PDE1A: variants seen among roughly 807,000 people sequenced by gnomAD.
PDE1A encodes dual specificity calcium/calmodulin-dependent 3',5'-cyclic nucleotide phosphodiesterase 1A.
A neutral mutation model predicts 61.7 loss-of-function variants in PDE1A; 35 were observed. The ratio of observed to expected loss-of-function variants is 0.57; its 90% CI spans 0.43 to 0.75. PDE1A has a LOEUF of 0.75. Among genes scored for constraint, PDE1A ranks in the 30% least tolerant of loss-of-function variants. The pLI is 0.00. For missense variants in PDE1A, 597 were observed against 630.6 expected, an observed-to-expected ratio of 0.95 and a Z score of 0.57; for synonymous variants, 232 against 213.2, an observed-to-expected ratio of 1.09 and a Z score of -0.77.
chr2:182,425,466 C>A (rs907355166), intron 1 of PDE1A, among the ~76,000 whole-genome samples: 1 of 152,054 alleles, frequency 6.6e-6, no homozygotes, highest in African/African-American at 2.4e-5. Flanking sequence ...AATATTAAAT[C>A]CATATATATG....
At chr2:182,686,777 T>G in the PDE1A span, among the ~76,000 whole-genome samples, 2 of 152,218 alleles carry the variant, frequency 1.3e-5, no homozygotes, top group Non-Finnish European at 2.9e-5. Flanking sequence ...TTCCCTTTCA[T>G]AGCCATGCAA....
chr2:182,194,482 G>C (rs543609899), intron 10 of PDE1A, among the ~76,000 whole-genome samples: 3 of 151,910 alleles, frequency 2.0e-5, no homozygotes, highest in Non-Finnish European at 4.4e-5. Context: ...ATGAAAACTC[G>C]AGGAGACATT....
chr2:182,293,963 T>C (rs533335303), intron 1 of PDE1A, among the ~76,000 whole-genome samples: 1 of 152,326 alleles, frequency 6.6e-6, no homozygotes, highest in South Asian at 2.1e-4. Context: ...CAAGCCATGA[T>C]GATGTCTATG....
chr2:182,506,712 C>T (rs761274244), intron 2 of PDE1A, among the ~76,000 whole-genome samples: 2 of 152,176 alleles, frequency 1.3e-5, no homozygotes, highest in African/African-American at 4.8e-5. Context: ...ACATCACTTT[C>T]TTCTTTGTCT....
At chr2:182,553,595 T>C in the PDE1A span, among the ~76,000 whole-genome samples, 1 of 152,166 alleles carries the variant, frequency 6.6e-6, no homozygotes. Flanking sequence ...GTTGGGAGCA[T>C]GTGGAGATAT....
At chr2:182,440,435 T>C (rs1040311975) in intron 2 of PDE1A, among the ~76,000 whole-genome samples, 4 of 152,088 alleles carry the variant, frequency 2.6e-5, no homozygotes, top group Non-Finnish European at 5.9e-5. Context: ...TACTTAGTTA[T>C]AGGCATGCCT....
chr2:182,683,965 C>CA, the PDE1A span, among the ~76,000 whole-genome samples: 36 of 151,246 alleles, frequency 2.4e-4, 1 homozygote, highest in Middle Eastern at 3.4e-3. Flanking sequence ...ACTAAAAATA[C>CA]AAAAAAAATT....
intron 1 of PDE1A, among the ~76,000 whole-genome samples, chr2:182,384,548 T>C (rs1203315042): frequency 2.0e-5 from 3 of 150,936 alleles, no homozygotes; most frequent in Admixed American, 6.6e-5. Context: ...AAAAATGCTA[T>C]AGAGAGTAAA....
the PDE1A span, among the ~76,000 whole-genome samples, chr2:182,668,029 C>CTTCAG: frequency 6.6e-6 from 1 of 152,140 alleles, no homozygotes; most frequent in African/African-American, 2.4e-5. Context: ...AACCCATGGA[C>CTTCAG]TTCAGTCAAA....
chr2:182,254,703 G>C (rs1326305018), intron 2 of PDE1A, among the ~76,000 whole-genome samples: 1 of 152,074 alleles, frequency 6.6e-6, no homozygotes, highest in East Asian at 1.9e-4. Context: ...GCCAAGAAAG[G>C]AGTTGCTGAA....
chr2:182,564,228 G>A, the PDE1A span, among the ~76,000 whole-genome samples: 27 of 152,152 alleles, frequency 1.8e-4, no homozygotes, highest in Admixed American at 1.8e-3. Flanking sequence ...CTTCCTTCAG[G>A]AGCTCTTTTA....
chr2:182,449,394 A>G (rs1685363500), intron 2 of PDE1A, among the ~76,000 whole-genome samples: 1 of 151,908 alleles, frequency 6.6e-6, no homozygotes, highest in Admixed American at 6.6e-5. Context: ...ATAACACAAA[A>G]TAACAGCTCC....
the PDE1A span, among the ~76,000 whole-genome samples, chr2:182,580,979 C>T: frequency 1.3e-5 from 2 of 152,126 alleles, no homozygotes; most frequent in Non-Finnish European, 2.9e-5. Context: ...CTCTCCCAGT[C>T]TGAAATACCT....
chr2:182,577,369 T>C, the PDE1A span, among the ~76,000 whole-genome samples: 2 of 152,224 alleles, frequency 1.3e-5, no homozygotes, highest in Non-Finnish European at 1.5e-5. Flanking sequence ...AATTTGCAGA[T>C]TTGTCAGTTC....
At chr2:182,174,299 G>C (rs1218538744) in intron 13 of PDE1A, among the ~76,000 whole-genome samples, 1 of 152,130 alleles carries the variant, frequency 6.6e-6, no homozygotes, top group Non-Finnish European at 1.5e-5. Context: ...CTTATTTCCT[G>C]ATGACGTCCA....
chr2:182,342,654 G>A (rs1698267791), intron 1 of PDE1A, among the ~76,000 whole-genome samples: 1 of 152,228 alleles, frequency 6.6e-6, no homozygotes, highest in Non-Finnish European at 1.5e-5. Flanking sequence ...CTGCACTCCA[G>A]CCTGGGCAAC....
chr2:182,154,838 T>G (rs1349277113), intron 13 of PDE1A, among the ~76,000 whole-genome samples: 4 of 152,200 alleles, frequency 2.6e-5, no homozygotes, highest in African/African-American at 7.2e-5. Context: ...TTACCATTTC[T>G]CAATTTACAA....
chr2:182,667,624 T>C, the PDE1A span, among the ~76,000 whole-genome samples: 1 of 152,210 alleles, frequency 6.6e-6, no homozygotes, highest in Non-Finnish European at 1.5e-5. Context: ...CCTAAACTTT[T>C]AGATTCCTTT....
At chr2:182,648,537 A>G in the PDE1A span, among the ~76,000 whole-genome samples, 1 of 148,536 alleles carries the variant, frequency 6.7e-6, no homozygotes, top group East Asian at 2.0e-4. Context: ...AAAAAAAATT[A>G]AAAAAATTAC....
Sources: gnomAD v4.1 joint callset for allele counts (sites outside exome capture counted in the v4.1 genomes callset) on GRCh38, gnomAD v4.1.1 for gene constraint, MANE v1.5 for transcripts, NCBI Gene and HGNC (gene_info 2026-07-23, HGNC 2026-07-21) for gene names.